The following SCFD2 variants were observed in gnomAD, a reference collection of about 807,000 sequenced individuals.
SCFD2 encodes the protein sec1 family domain containing 2.
In SCFD2, 54 loss-of-function variants were observed where a neutral mutation model predicts 58.9. The ratio of observed to expected loss-of-function variants is 0.92; its 90% CI spans 0.74 to 1.15. The LOEUF (loss-of-function observed/expected upper bound fraction) is 1.15. Among genes scored for constraint, SCFD2 ranks in the 50% most tolerant of loss-of-function variants. The pLI is 0.00. For synonymous variants in SCFD2, 321 were observed against 335.9 expected, an observed-to-expected ratio of 0.96 and a Z score of 0.49; for missense variants, 805 against 836.6, an observed-to-expected ratio of 0.96 and a Z score of 0.47.
chr4:53,123,434 G>A (rs1725537482), intron 5 of SCFD2, among the ~76,000 whole-genome samples: 1 of 149,528 alleles, frequency 6.7e-6, no homozygotes, highest in Admixed American at 6.8e-5. Flanking sequence ...GTGAGACCAT[G>A]GAAACCAACA....
chr4:52,985,402 TA>T (rs1254930008), intron 5 of SCFD2, among the ~76,000 whole-genome samples: 1 of 152,198 alleles, frequency 6.6e-6, no homozygotes, highest in African/African-American at 2.4e-5. Flanking sequence ...TAATTAGCAT[TA>T]TGTTTCATTC....
At chr4:52,946,265 C>T (rs1459790656) in intron 5 of SCFD2, among the ~76,000 whole-genome samples, 1 of 151,774 alleles carries the variant, frequency 6.6e-6, no homozygotes, top group Non-Finnish European at 1.5e-5. Context: ...GATTATCAGC[C>T]GTGAACATCA....
chr4:53,199,953 T>C (rs1330540442), intron 4 of SCFD2, among the ~76,000 whole-genome samples: 1 of 149,034 alleles, frequency 6.7e-6, no homozygotes, highest in Admixed American at 6.8e-5. Flanking sequence ...CAAGAGAGAG[T>C]GAGAGTGAGA....
chr4:53,160,870 G>C (rs1726832422), intron 4 of SCFD2, among the ~76,000 whole-genome samples: 1 of 152,280 alleles, frequency 6.6e-6, no homozygotes, highest in African/African-American at 2.4e-5. Flanking sequence ...TTCTGATAGT[G>C]AGAAATAGTG....
chr4:53,237,251 A>C (rs1577877340), intron 4 of SCFD2, among the ~76,000 whole-genome samples: 2 of 149,412 alleles, frequency 1.3e-5, no homozygotes, highest in East Asian at 3.9e-4. Flanking sequence ...TTCTACACAG[A>C]CACGGCAACC....
At chr4:52,923,174 C>G (rs974008191) in intron 5 of SCFD2, among the ~76,000 whole-genome samples, 7 of 152,026 alleles carry the variant, frequency 4.6e-5, no homozygotes, top group African/African-American at 1.7e-4. Context: ...ATGTCCAACC[C>G]ATTGCCATGA....
chr4:53,300,071 A>C (rs1732217210), intron 3 of SCFD2, among the ~76,000 whole-genome samples: 4 of 152,312 alleles, frequency 2.6e-5, no homozygotes, highest in African/African-American at 9.6e-5. Flanking sequence ...TAACATCATA[A>C]TGACAGGATC....
intron 5 of SCFD2, among the ~76,000 whole-genome samples, chr4:53,053,596 C>G (rs1363094314): frequency 3.9e-5 from 6 of 152,102 alleles, no homozygotes; most frequent in Non-Finnish European, 7.3e-5. Flanking sequence ...GCACTGTGCT[C>G]CGATCATATG....
intron 3 of SCFD2, among the ~76,000 whole-genome samples, chr4:53,282,025 A>G (rs1263768884): frequency 6.6e-6 from 1 of 152,228 alleles, no homozygotes; most frequent in African/African-American, 2.4e-5. Flanking sequence ...ATCAGTAAAT[A>G]GCATTTACAA....
At chr4:53,304,929 C>G (rs1450203175) in intron 3 of SCFD2, among the ~76,000 whole-genome samples, 2 of 151,990 alleles carry the variant, frequency 1.3e-5, no homozygotes, top group South Asian at 2.1e-4. Context: ...AATTTTCAGG[C>G]TTTTTGTGCT....
At chr4:52,882,270 G>A (rs1401388972) in intron 8 of SCFD2, among the ~76,000 whole-genome samples, 11 of 152,132 alleles carry the variant, frequency 7.2e-5, no homozygotes, top group African/African-American at 9.7e-5. Flanking sequence ...CAGAATTGTC[G>A]TGGGGAAGAG....
intron 4 of SCFD2, among the ~76,000 whole-genome samples, chr4:53,188,163 C>T (rs1165746070): frequency 6.6e-6 from 1 of 152,026 alleles, no homozygotes; most frequent in African/African-American, 2.4e-5. Context: ...AAAGCTAAAA[C>T]CTTAATCTCA....
chr4:52,880,304 T>G (rs1718576619), intron 8 of SCFD2, among the ~76,000 whole-genome samples: 1 of 151,876 alleles, frequency 6.6e-6, no homozygotes, highest in Non-Finnish European at 1.5e-5. Flanking sequence ...TTTTTTTTAA[T>G]TATTGTGTCT....
At chr4:52,969,259 T>C (rs1002590975) in intron 5 of SCFD2, among the ~76,000 whole-genome samples, 8 of 152,254 alleles carry the variant, frequency 5.3e-5, no homozygotes, top group East Asian at 1.9e-4. Context: ...TGTGGTGGTC[T>C]GTATAGCTAC....
At chr4:53,335,213 A>AAC (rs1733642804) in intron 2 of SCFD2, among the ~76,000 whole-genome samples, 1 of 137,002 alleles carries the variant, frequency 7.3e-6, no homozygotes, top group Non-Finnish European at 1.6e-5. Context: ...AAAAAAAAAA[A>AAC]CAACAAAAAA....
intron 4 of SCFD2, among the ~76,000 whole-genome samples, chr4:53,218,545 A>G (rs1211519754): frequency 6.6e-6 from 1 of 152,182 alleles, no homozygotes; most frequent in East Asian, 1.9e-4. Flanking sequence ...GCATTCATCT[A>G]ATCTTTTTTC....
chr4:53,088,470 A>G, intron 5 of SCFD2, among the ~76,000 whole-genome samples: 1 of 152,104 alleles, frequency 6.6e-6, no homozygotes, highest in East Asian at 1.9e-4. Flanking sequence ...GCCAAAAAAG[A>G]TTTTTCTCAA....
chr4:53,354,770 T>C (rs1734352682), intron 1 of SCFD2, among the ~76,000 whole-genome samples: 1 of 152,080 alleles, frequency 6.6e-6, no homozygotes, highest in Non-Finnish European at 1.5e-5. Context: ...TGAATTTTTT[T>C]ATATTCTTTT....
chr4:52,945,736 T>C (rs1249347289), intron 5 of SCFD2: 1 of 152,190 alleles, frequency 6.6e-6, no homozygotes, highest in African/African-American at 2.4e-5. Flanking sequence ...TTCCTGGACA[T>C]ACTTTCCAAG....
Sources: allele counts gnomAD v4.1 joint callset (sites outside exome capture counted in the v4.1 genomes callset), GRCh38; gene constraint gnomAD v4.1.1; transcripts MANE v1.5; gene names NCBI Gene and HGNC (gene_info 2026-07-23, HGNC 2026-07-21).